Variants in CADM1 observed in about 807,000 individuals in gnomAD.
The protein encoded by CADM1 is TSLC-1.
Under a neutral mutation model 53.1 loss-of-function variants are expected in CADM1, and 15 were observed. The ratio of observed to expected loss-of-function variants is 0.28; its 90% CI spans 0.19 to 0.44. The LOEUF (loss-of-function observed/expected upper bound fraction) is 0.44, where lower values mean the gene tolerates loss of function less well. Ranked by LOEUF, CADM1 falls within the 20% of genes least tolerant of loss-of-function variation. CADM1 has a pLI of 1.00. For missense variants in CADM1, 434 were observed against 611.3 expected (o/e 0.71, Z 3.06); for synonymous variants, 281 against 243.0 (o/e 1.16, Z -1.45).
At chr11:115,337,674 C>A (rs1234872169) in intron 1 of CADM1, among the ~76,000 whole-genome samples, 2 of 151,300 alleles carry the variant, frequency 1.3e-5, no homozygotes, top group Non-Finnish European at 2.9e-5. Flanking sequence ...TCTTTTTTGC[C>A]CTCTTTGTAT....
chr11:115,219,372 C>G (rs2134785221), intron 5 of CADM1, among the ~76,000 whole-genome samples: 1 of 152,290 alleles, frequency 6.6e-6, no homozygotes, highest in Non-Finnish European at 1.5e-5. Flanking sequence ...AAATCTTTCT[C>G]TCATGTCTCT....
intron 1 of CADM1, among the ~76,000 whole-genome samples, chr11:115,439,582 T>C (rs1948261925): frequency 6.6e-6 from 1 of 152,208 alleles, no homozygotes. Flanking sequence ...ACTTAACTAA[T>C]GTTTTGCAGA....
rs113609203 is a variant in CADM1 at position 115,490,309 on chromosome 11, G to A, written c.124+13962C>T. ...AGGGAATTCTCTATGAGGACTCCCA[G>A]GTTTATTTAACTCATTGGATGGATG... On this transcript the variant is annotated intron_variant, in intron 1 of 11. Transcript: ENST00000331581. Among the ~76,000 whole-genome samples the A allele has an allele frequency of 8.1e-3, 1,228 of 151,868 alleles. 15 individuals are homozygous for A. Among genetic ancestry groups the A allele is most frequent in the African/African-American group, 0.028 (1,166 of 41,398 alleles).
In CADM1 at chr11:115,398,436, CCT is replaced by C. The variant is rs1385860225; in HGVS notation, c.124+105833_124+105834del. Among the ~76,000 whole-genome samples the C allele has an allele frequency of 9.9e-5, 15 of 152,274 alleles. No individual in the cohort carries two copies. In the East Asian group the frequency reaches 1.4e-3, roughly 14 times the overall value. ...TAAAATGGCCATGCCTGAATCTCCC[CCT>C]GACTTTTCTGACTTGTGTCTCTCCA... On this transcript the variant is annotated intron_variant, in intron 1 of 11. Coordinates refer to ENST00000331581, the MANE Select transcript of CADM1 (RefSeq NM_001301043.2).
chr11:115,445,807 C>T (rs1278616614), intron 1 of CADM1: 61 of 450,856 alleles, frequency 1.4e-4, no homozygotes, highest in Non-Finnish European at 1.6e-4. Context: ...ATTGTGCCAC[C>T]GCACTCCAGC....
At chr11:115,364,211 T>G (rs905417855) in intron 1 of CADM1, among the ~76,000 whole-genome samples, 3 of 152,332 alleles carry the variant, frequency 2.0e-5, no homozygotes, top group Middle Eastern at 3.4e-3. Flanking sequence ...AATGAGTGTG[T>G]CTCAGTTTCA....
intron 1 of CADM1, among the ~76,000 whole-genome samples, chr11:115,408,461 C>G (rs1283709815): frequency 6.6e-6 from 1 of 152,200 alleles, no homozygotes. Context: ...TCCCACTATG[C>G]AGGCCAGCAC....
intron 1 of CADM1, among the ~76,000 whole-genome samples, chr11:115,450,405 G>C (rs1207380349): frequency 1.3e-5 from 2 of 152,100 alleles, no homozygotes; most frequent in African/African-American, 2.4e-5. Context: ...CTAAAACTGT[G>C]CTTCTATCTT....
intron 1 of CADM1, among the ~76,000 whole-genome samples, chr11:115,460,963 C>A (rs1019423016): frequency 2.0e-5 from 3 of 152,046 alleles, no homozygotes; most frequent in Admixed American, 6.6e-5. Context: ...TAGAAAGGCT[C>A]CAAAAACAAT....
chr11:115,176,278 G>T lies in CADM1; in HGVS notation c.*196C>A. The stretch of plus-strand genomic sequence containing the variant: ...AAACAAACAAACAAACGAAAAAAGA[G>T]GTGTCAAACAGCAGAGTGTACTTTC... On this transcript the variant is annotated 3_prime_UTR_variant, in exon 12 of 12. Coordinates refer to ENST00000331581, the MANE Select transcript of CADM1 (RefSeq NM_001301043.2). 1 of 1,385,540 alleles carries T rather than the reference G, an allele frequency of 7.2e-7. No individual in the cohort carries two copies. Among genetic ancestry groups the T allele is most frequent in the Non-Finnish European group, 9.4e-7 (1 of 1,064,682 alleles). 85.8% of individuals were successfully genotyped at this position (1,385,540 alleles called of 1,614,324 possible). A position where few individuals can be genotyped will look rare whatever the true frequency, so the allele number is the denominator to read the frequency against.
At chr11:115,355,303 T>C (rs890625819) in intron 1 of CADM1, among the ~76,000 whole-genome samples, 17 of 152,122 alleles carry the variant, frequency 1.1e-4, no homozygotes, top group African/African-American at 4.1e-4. Context: ...ATCATATCCT[T>C]GGCAGGAACA....
intron 8 of CADM1, among the ~76,000 whole-genome samples, chr11:115,198,803 C>T (rs72994030): frequency 2.6e-5 from 4 of 152,084 alleles, no homozygotes; most frequent in Admixed American, 2.0e-4. Context: ...CTCAGGACTG[C>T]GACAGAAAAG....
intron 9 of CADM1, chr11:115,194,186 TCATA>T (rs1327252499): frequency 1.3e-5 from 2 of 152,202 alleles, no homozygotes; most frequent in Non-Finnish European, 2.9e-5. Flanking sequence ...TGTTATGTGC[TCATA>T]CAGAGAGATG....
chr11:115,245,898 CAG>C (rs1276754679), intron 1 of CADM1, among the ~76,000 whole-genome samples: 1 of 152,130 alleles, frequency 6.6e-6, no homozygotes, highest in East Asian at 1.9e-4. Flanking sequence ...CCTGCATTTA[CAG>C]AGTTTTATAT....
chr11:115,238,599 C>T lies in CADM1; in HGVS notation c.325G>A (p.Val109Ile). Reference protein sequence around the residue: ...LLNFSSSELKVSLTNVSISDE... With the variant: ...LLNFSSSELKISLTNVSISDE... ...GAAATTGAGACGTTTGTCAATGATACTTTGAGTTCACTGCTAGAAAAATTC... is the reference window on the plus strand; with the variant it reads ...GAAATTGAGACGTTTGTCAATGATATTTTGAGTTCACTGCTAGAAAAATTC... The change falls in exon 3 of 12, where the codon GTA becomes ATA. Residue 109 changes from valine to isoleucine, a missense_variant. Physicochemically the swap from Val to Ile is conservative, Grantham distance 29. Around this residue, in one of 4 missense-constraint regions of CADM1, gnomAD observed 311 missense variants for 435.1 expected, o/e 0.71. Transcript: ENST00000331581. The T allele has an allele frequency of 6.2e-7, 1 of 1,613,926 alleles. No individual in the cohort carries two copies. The highest frequency in any genetic ancestry group is 8.5e-7 in the Non-Finnish European group (1 of 1,179,878).
At chr11:115,213,976 TGTA>T (rs1383027330) in intron 7 of CADM1, among the ~76,000 whole-genome samples, 2 of 152,184 alleles carry the variant, frequency 1.3e-5, no homozygotes, top group Non-Finnish European at 2.9e-5. Context: ...ATGCCTGAAA[TGTA>T]GTAGATGCTC....
intron 1 of CADM1, among the ~76,000 whole-genome samples, chr11:115,497,312 A>G (rs1949640265): frequency 1.3e-5 from 2 of 152,214 alleles, no homozygotes; most frequent in Admixed American, 1.3e-4. Context: ...AACATCTACT[A>G]AAAGAAAAAA....
At chr11:115,226,279 A>G (rs1941604605) in intron 5 of CADM1, among the ~76,000 whole-genome samples, 2 of 152,230 alleles carry the variant, frequency 1.3e-5, no homozygotes, top group Non-Finnish European at 2.9e-5. Context: ...AAATCAGGTA[A>G]AAATACAGAT....
At chr11:115,340,658 A>ATATATTTT (rs60532835) in intron 1 of CADM1, among the ~76,000 whole-genome samples, 12 of 34,934 alleles carry the variant, frequency 3.4e-4, no homozygotes, top group East Asian at 1.1e-3. Context: ...ATATATATAT[A>ATATATTTT]TTTTTTTTTT....
Sources: gnomAD v4.1 joint callset for allele counts (sites outside exome capture counted in the v4.1 genomes callset) on GRCh38, gnomAD v4.1.1 for gene constraint, gnomAD v4.1.1 regional missense constraint, MANE v1.5 for transcripts, NCBI Gene and HGNC (gene_info 2026-07-23, HGNC 2026-07-21) for gene names.